Variants in CREB5 observed in about 807,000 individuals in gnomAD.
CREB5 encodes cAMP responsive element binding protein 5, also known as cyclic AMP-responsive element-binding protein 5.
In CREB5, 19 loss-of-function variants were observed where a neutral mutation model predicts 57.1. The observed-to-expected ratio is 0.33, with a 90% CI of 0.23 to 0.49. CREB5 has a LOEUF of 0.49. CREB5 is among the 20% of genes least tolerant of loss of function. The pLI is 0.99. For synonymous variants in CREB5, 238 were observed against 238.3 expected, an observed-to-expected ratio of 1.00 and a Z score of 0.01; for missense variants, 579 against 671.6, an observed-to-expected ratio of 0.86 and a Z score of 1.52.
chr7:28,561,021 T>TGCGC (rs1230186047), intron 4 of CREB5, among the ~76,000 whole-genome samples: 1 of 43,240 alleles, frequency 2.3e-5, no homozygotes, highest in African/African-American at 1.6e-4. Flanking sequence ...TGTGTGCGTG[T>TGCGC]GTGCGTGTGT....
chr7:28,755,763 G>T (rs190161444), intron 7 of CREB5, among the ~76,000 whole-genome samples: 101 of 152,256 alleles, frequency 6.6e-4, no homozygotes, highest in Non-Finnish European at 2.1e-4. Context: ...TTGATCCTGA[G>T]AGCTGCTCGC....
chr7:28,736,009 G>A (rs2128753741), intron 7 of CREB5, among the ~76,000 whole-genome samples: 1 of 152,006 alleles, frequency 6.6e-6, no homozygotes, highest in African/African-American at 2.4e-5. Flanking sequence ...TCGCGATGTT[G>A]ACCAGTCTCA....
At chr7:28,508,864 G>A (rs1294708749) in intron 4 of CREB5, among the ~76,000 whole-genome samples, 1 of 151,984 alleles carries the variant, frequency 6.6e-6, no homozygotes, top group Non-Finnish European at 1.5e-5. Context: ...TTTTAAACAA[G>A]CACTTACATA....
chr7:28,746,919 G>A (rs1420504934), intron 7 of CREB5, among the ~76,000 whole-genome samples: 3 of 152,220 alleles, frequency 2.0e-5, no homozygotes, highest in South Asian at 2.1e-4. Flanking sequence ...AGGGCAGGAA[G>A]GCTGATGAAG....
chr7:28,614,385 A>G (rs555797370), intron 5 of CREB5, among the ~76,000 whole-genome samples: 17 of 152,252 alleles, frequency 1.1e-4, no homozygotes, highest in Non-Finnish European at 2.1e-4. Context: ...TCCTATAAAT[A>G]GTTTAAAGAT....
chr7:28,612,541 GGGGTGTGTGT>G (rs1416389442), intron 5 of CREB5, among the ~76,000 whole-genome samples: 8 of 118,750 alleles, frequency 6.7e-5, no homozygotes, highest in African/African-American at 2.3e-4. Flanking sequence ...ATTTAGAGAA[GGGGTGTGTGT>G]GTGTGTGTGT....
At chr7:28,728,184 C>T (rs976136150) in intron 7 of CREB5, among the ~76,000 whole-genome samples, 2 of 152,200 alleles carry the variant, frequency 1.3e-5, no homozygotes, top group African/African-American at 4.8e-5. Context: ...AGGAGATCTT[C>T]CTGCCTCAGT....
At chr7:28,538,478 G>T (rs1794069367) in intron 4 of CREB5, among the ~76,000 whole-genome samples, 2 of 152,136 alleles carry the variant, frequency 1.3e-5, no homozygotes, top group South Asian at 4.1e-4. Flanking sequence ...TATAATATAT[G>T]ACTCTTCTCT....
rs189567370 is a variant in CREB5, at chr7:28,613,184, A to G, written c.464+42647A>G. 7.3e-3 allele frequency among the ~76,000 whole-genome samples: 1,105 copies of G among 152,328 alleles called. 11 individuals are homozygous for G. The highest frequency in any genetic ancestry group is 0.012 in the Non-Finnish European group (797 of 68,022). On this transcript the variant is annotated intron_variant, in intron 5 of 10. Transcript: ENST00000357727. The stretch of plus-strand genomic sequence containing the variant: ...GCCCCTCTATTTCAACATTTTGAGC[A>G]CTTTTGCTTGTTTTGGCCAAACAAC...
At chr7:28,600,316 C>T (rs1409874012) in intron 5 of CREB5, among the ~76,000 whole-genome samples, 6 of 152,112 alleles carry the variant, frequency 3.9e-5, no homozygotes, top group African/African-American at 1.4e-4. Flanking sequence ...ACATCTCCTC[C>T]CGTGTCCAGC....
At chr7:28,428,523 T>C (rs1788594169) in intron 1 of CREB5, among the ~76,000 whole-genome samples, 1 of 152,156 alleles carries the variant, frequency 6.6e-6, no homozygotes, top group Non-Finnish European at 1.5e-5. Flanking sequence ...CTAGCAGGAC[T>C]TGCTGAGGGA....
intron 7 of CREB5, among the ~76,000 whole-genome samples, chr7:28,799,119 C>G (rs963390684): frequency 6.6e-6 from 1 of 152,154 alleles, no homozygotes; most frequent in Non-Finnish European, 1.5e-5. Context: ...CACACTGTTT[C>G]GAAATGACAT....
intron 4 of CREB5, among the ~76,000 whole-genome samples, chr7:28,537,413 A>T (rs1414360804): frequency 6.6e-6 from 1 of 151,596 alleles, no homozygotes; most frequent in African/African-American, 2.4e-5. Flanking sequence ...ATATGCAATT[A>T]TGTTGAGCAT....
At chr7:28,778,555 C>T (rs1289160270) in intron 7 of CREB5, among the ~76,000 whole-genome samples, 1 of 152,052 alleles carries the variant, frequency 6.6e-6, no homozygotes, top group Non-Finnish European at 1.5e-5. Context: ...CAGATATTAA[C>T]ACAAGGACTA....
chr7:28,350,187 A>G (rs995012593), intron 1 of CREB5, among the ~76,000 whole-genome samples: 13 of 152,162 alleles, frequency 8.5e-5, no homozygotes, highest in African/African-American at 2.7e-4. Flanking sequence ...CCATATCCAT[A>G]TTCATAATTA....
chr7:28,319,558 A>G (rs977427762), intron 1 of CREB5, among the ~76,000 whole-genome samples: 14 of 152,106 alleles, frequency 9.2e-5, no homozygotes, highest in Non-Finnish European at 2.1e-4. Context: ...CCCTCCATCC[A>G]CACAGTGCCT....
In CREB5 at chr7:28,383,961, T is replaced by C. The variant is rs184166944; in HGVS notation, c.-25+84520T>C. On this transcript the variant is annotated intron_variant, in intron 1 of 9. Transcript: ENST00000396299. ...TAATGAAGGGGTGAAATAACCTCATTGCTCTTTACATTTTAAGGAGTCCTT... is the reference window on the plus strand; with the variant it reads ...TAATGAAGGGGTGAAATAACCTCATCGCTCTTTACATTTTAAGGAGTCCTT... Among the ~76,000 whole-genome samples the C allele has an allele frequency of 4.6e-5, 7 of 152,354 alleles. No individual in the cohort carries two copies. In the East Asian group the frequency reaches 1.3e-3, roughly 29 times the overall value.
At chr7:28,602,351 T>A (rs1449423792) in intron 5 of CREB5, among the ~76,000 whole-genome samples, 2 of 152,168 alleles carry the variant, frequency 1.3e-5, no homozygotes, top group East Asian at 3.9e-4. Context: ...GGTCTCAAAC[T>A]CCTGACCTCA....
At chr7:28,620,013 G>C (rs1797735199) in intron 5 of CREB5, among the ~76,000 whole-genome samples, 1 of 152,156 alleles carries the variant, frequency 6.6e-6, no homozygotes, top group Admixed American at 6.5e-5. Flanking sequence ...AATTTGATGG[G>C]TTTCTAAGCC....
Sources: allele counts gnomAD v4.1 joint callset (sites outside exome capture counted in the v4.1 genomes callset), GRCh38; gene constraint gnomAD v4.1.1; transcripts MANE v1.5; gene names NCBI Gene and HGNC (gene_info 2026-07-23, HGNC 2026-07-21).